Variants in GALNT15 observed in about 807,000 individuals in gnomAD.
GALNT15 encodes polypeptide N-acetylgalactosaminyltransferase 15, also known as UDP-GalNAc transferase T15.
In GALNT15, 67 loss-of-function variants were observed where a neutral mutation model predicts 66.8. That is an observed-to-expected ratio of 1.00 (90% CI 0.82 to 1.23). The LOEUF is 1.23. Among genes scored for constraint, GALNT15 ranks in the 50% most tolerant of loss-of-function variants. The pLI is 0.00. For synonymous variants in GALNT15, 313 were observed against 311.5 expected, an observed-to-expected ratio of 1.00 and a Z score of -0.05; for missense variants, 827 against 804.3, an observed-to-expected ratio of 1.03 and a Z score of -0.34.
intron 6 of GALNT15, among the ~76,000 whole-genome samples, chr3:16,213,348 G>A (rs901546948): frequency 3.3e-5 from 5 of 150,050 alleles, no homozygotes; most frequent in East Asian, 2.0e-4. Context: ...CCTGCTACTC[G>A]GGAGGCTGAG....
chr3:16,230,588 A>G (rs1291227042), downstream of GALNT15, among the ~76,000 whole-genome samples: 1 of 148,222 alleles, frequency 6.7e-6, no homozygotes, highest in Admixed American at 6.7e-5. This position sits in a 1 kb window ranked among gnomAD's most constrained non-coding sequence, Gnocchi z 4.5. Flanking sequence ...TCAAAAAAAA[A>G]GAAAAGAAAA....
At chr3:16,237,171 C>A in the GALNT15 span, among the ~76,000 whole-genome samples, 3 of 152,208 alleles carry the variant, frequency 2.0e-5, no homozygotes, top group Admixed American at 6.5e-5. The surrounding 1 kb of genome is among the most constrained non-coding windows in gnomAD (Gnocchi z 4.2). Flanking sequence ...TCAATTTAGC[C>A]AGACTTCAAA....
In GALNT15 at chr3:16,218,834, C is replaced by T. The variant is rs1488535198; in HGVS notation, c.1393-569C>T. 8.2e-3 allele frequency among the ~76,000 whole-genome samples: 499 copies of T among 60,778 alleles called. 6 individuals are homozygous for T. The highest frequency in any genetic ancestry group is 0.034 in the African/African-American group (453 of 13,254). 39.9% of individuals were successfully genotyped at this position (60,778 alleles called of 152,430 possible). A position where few individuals can be genotyped will look rare whatever the true frequency, so the allele number is the denominator to read the frequency against. ...TCTTTTTTTTTTTTTTTTTTTTTTG[C>T]GAGGAAGTCTTGCTCTGTCGCCCAG... On this transcript the variant is annotated intron_variant, in intron 6 of 9. Coordinates refer to ENST00000339732, the MANE Select transcript of GALNT15 (RefSeq NM_054110.5).
chr3:16,203,572 CACACACACACACACACAG>C lies in GALNT15; in HGVS notation c.911+2750_911+2767del, dbSNP rs1254798194. ...ACACACACACACACACACACACACA[CACACACACACACACACAG>C]TGGGCCTCTGATCCTGGTGTGTTAC... is the stretch of plus-strand genomic sequence containing the variant. On this transcript the variant is annotated intron_variant, in intron 3 of 9. Transcript: ENST00000339732. The surrounding 1 kb of genome is among the most constrained non-coding windows in gnomAD (Gnocchi z 6.2). Among the ~76,000 whole-genome samples the C allele has an allele frequency of 7.3e-5, 11 of 150,250 alleles. No individual in the cohort carries two copies. Among genetic ancestry groups the C allele is most frequent in the Non-Finnish European group, 1.2e-4 (8 of 67,360 alleles).
intron 3 of GALNT15, among the ~76,000 whole-genome samples, chr3:16,201,479 C>T (rs929480423): frequency 6.6e-5 from 10 of 152,174 alleles, no homozygotes; most frequent in Admixed American, 2.6e-4. Flanking sequence ...CCGCGCCTGG[C>T]CGAAAATTCG....
chr3:16,217,381 TCTG>T (rs2063890541), intron 6 of GALNT15, among the ~76,000 whole-genome samples: 1 of 152,230 alleles, frequency 6.6e-6, no homozygotes, highest in African/African-American at 2.4e-5. Flanking sequence ...TATTTCTCTC[TCTG>T]TTGAGCATTT....
At position 16,198,675 on chromosome 3, in the gene GALNT15, A is replaced by G. The variant is rs1191182178; in HGVS notation, c.707-1944A>G. ...ACAGTCTTACCAGAAAAATAATTAT[A>G]AAGTAACACATCAACGAAGCATTTT... On this transcript the variant is annotated intron_variant, in intron 2 of 9. Coordinates refer to ENST00000339732, the MANE Select transcript of GALNT15 (RefSeq NM_054110.5). 5.6e-5 allele frequency among the ~76,000 whole-genome samples: 8 copies of G among 142,976 alleles called. 2 individuals are homozygous for G. The highest frequency in any genetic ancestry group is 1.8e-4 in the African/African-American group (7 of 38,450). 93.8% of individuals were successfully genotyped at this position (142,976 alleles called of 152,430 possible). A position where few individuals can be genotyped will look rare whatever the true frequency, so the allele number is the denominator to read the frequency against.
intron 4 of GALNT15, among the ~76,000 whole-genome samples, chr3:16,210,834 G>A (rs1465210716): frequency 6.6e-6 from 1 of 152,198 alleles, no homozygotes; most frequent in Non-Finnish European, 1.5e-5. Context: ...AGGGACTCAA[G>A]CCAGAGGGCA....
chr3:16,180,164 G>T lies in GALNT15; in HGVS notation c.539+4474G>T, dbSNP rs140009693. Among the ~76,000 whole-genome samples the T allele has an allele frequency of 6.6e-6, 1 of 152,326 alleles. No homozygotes were observed. Among genetic ancestry groups the T allele is most frequent in the East Asian group, 1.9e-4 (1 of 5,182 alleles). ...CTCCAGTTTCTGATTCAGTGGGTGT[G>T]AAGTGGGGCTCAACATTTGCATTTC... On this transcript the variant is annotated intron_variant, in intron 1 of 9. Transcript: ENST00000339732. The surrounding 1 kb of genome is among the most constrained non-coding windows in gnomAD (Gnocchi z 5.0).
the GALNT15 span, among the ~76,000 whole-genome samples, chr3:16,237,052 A>G: frequency 6.6e-6 from 1 of 152,220 alleles, no homozygotes; most frequent in Non-Finnish European, 1.5e-5. The surrounding 1 kb of genome is among the most constrained non-coding windows in gnomAD (Gnocchi z 4.2). Context: ...CGCTCCCGCT[A>G]ACACACAAAT....
At chr3:16,201,222 C>T (rs2063698085) in intron 3 of GALNT15, among the ~76,000 whole-genome samples, 1 of 151,782 alleles carries the variant, frequency 6.6e-6, no homozygotes, top group South Asian at 2.1e-4. Flanking sequence ...CGCTCTGTCA[C>T]CCAGGCTGGA....
At chr3:16,215,214 G>T (rs926056672) in intron 6 of GALNT15, among the ~76,000 whole-genome samples, 2 of 152,224 alleles carry the variant, frequency 1.3e-5, no homozygotes, top group Admixed American at 1.3e-4. Flanking sequence ...AAGTGCCTGT[G>T]AATATATACT....
At position 16,176,390 on chromosome 3, in the gene GALNT15, G is replaced by C. The variant is rs529432647; in HGVS notation, c.539+700G>C. 6.6e-4 allele frequency among the ~76,000 whole-genome samples: 101 copies of C among 152,314 alleles called. 1 individual carries two copies. Among genetic ancestry groups the C allele is most frequent in the Non-Finnish European group, 1.2e-3 (79 of 68,022 alleles). On this transcript the variant is annotated intron_variant, in intron 1 of 9. Coordinates refer to ENST00000339732, the MANE Select transcript of GALNT15 (RefSeq NM_054110.5). The surrounding 1 kb of genome is among the most constrained non-coding windows in gnomAD (Gnocchi z 5.6). ...TAACAAAGTCAGGATTTGAATGCAGGCATGTGAGCTCCAGTCTGCCTGACC... is the reference window on the plus strand; with the variant it reads ...TAACAAAGTCAGGATTTGAATGCAGCCATGTGAGCTCCAGTCTGCCTGACC...
the GALNT15 span, chr3:16,244,138 CT>C: frequency 2.5e-6 from 1 of 403,894 alleles, no homozygotes; most frequent in Middle Eastern, 1.3e-3. Flanking sequence ...TCCTAAAGCT[CT>C]TTTGAAGTCT....
chr3:16,214,080 CT>C (rs2063847313), intron 6 of GALNT15, among the ~76,000 whole-genome samples: 1 of 152,338 alleles, frequency 6.6e-6, no homozygotes, highest in Non-Finnish European at 1.5e-5. Context: ...GTTAGTCACA[CT>C]ATTAAACAGA....
At chr3:16,240,025 G>C in the GALNT15 span, among the ~76,000 whole-genome samples, 44 of 152,336 alleles carry the variant, frequency 2.9e-4, 1 homozygote, top group South Asian at 8.7e-3. Context: ...CCAACCCTTT[G>C]GTTCTAATCC....
chr3:16,241,543 CT>C, the GALNT15 span, among the ~76,000 whole-genome samples: 3 of 151,526 alleles, frequency 2.0e-5, no homozygotes, highest in African/African-American at 4.9e-5. The surrounding 1 kb of genome is among the most constrained non-coding windows in gnomAD (Gnocchi z 4.6). Flanking sequence ...AAAACAGCAA[CT>C]TTTTTTTCTT....
the GALNT15 span, among the ~76,000 whole-genome samples, chr3:16,241,988 G>A: frequency 6.6e-6 from 1 of 152,152 alleles, no homozygotes; most frequent in African/African-American, 2.4e-5. This position sits in a 1 kb window ranked among gnomAD's most constrained non-coding sequence, Gnocchi z 4.6. Context: ...GGCAGGGGAG[G>A]CTGGCAGGCT....
At chr3:16,246,300 AAC>A in the GALNT15 span, among the ~76,000 whole-genome samples, 47 of 151,598 alleles carry the variant, frequency 3.1e-4, no homozygotes, top group African/African-American at 1.1e-3. Context: ...CTCTGGGACA[AAC>A]ATACATGTTT....
Sources: allele counts gnomAD v4.1 joint callset (sites outside exome capture counted in the v4.1 genomes callset), GRCh38; gene constraint gnomAD v4.1.1; non-coding constraint Gnocchi (gnomAD v3.1); transcripts MANE v1.5; gene names NCBI Gene and HGNC (gene_info 2026-07-23, HGNC 2026-07-21).